Variants in SPIN1 observed in about 807,000 individuals in gnomAD.
The protein encoded by SPIN1 is spindlin-1.
Under a neutral mutation model 26.0 loss-of-function variants are expected in SPIN1, and 3 were observed. The observed-to-expected ratio is 0.12, with a 90% confidence interval of 0.05 to 0.30. The LOEUF is 0.30. Among genes scored for constraint, SPIN1 ranks in the 10% least tolerant of loss-of-function variants. SPIN1 has a pLI of 1.00. For missense variants in SPIN1, 126 were observed against 333.4 expected (o/e 0.38, Z 4.84); for synonymous variants, 101 against 116.5 (o/e 0.87, Z 0.86).
chr9:88,434,131 G>T (rs1034095047), intron 2 of SPIN1, among the ~76,000 whole-genome samples: 22 of 151,646 alleles, frequency 1.5e-4, no homozygotes, highest in Non-Finnish European at 2.2e-4. Context: ...TCAGACATTG[G>T]TCTTTATCAT....
intron 3 of SPIN1, among the ~76,000 whole-genome samples, chr9:88,458,851 A>C (rs1828524582): frequency 6.6e-6 from 1 of 152,156 alleles, no homozygotes; most frequent in South Asian, 2.1e-4. Context: ...TCCTCCTCCG[A>C]GGAGGCCAGT....
At chr9:88,445,739 A>G (rs1444618943) in intron 2 of SPIN1, among the ~76,000 whole-genome samples, 1 of 150,962 alleles carries the variant, frequency 6.6e-6, no homozygotes, top group Admixed American at 6.6e-5. Context: ...ATGTTTCACC[A>G]TGTTGGCCAG....
intron 3 of SPIN1, among the ~76,000 whole-genome samples, chr9:88,456,060 C>T (rs951743561): frequency 1.5e-4 from 23 of 152,168 alleles, no homozygotes; most frequent in Admixed American, 3.9e-4. Flanking sequence ...TTTAGTTTCC[C>T]GTGTTAGCAA....
Position 88,470,196 on chromosome 9 carries a change from T to A in SPIN1, c.589+1591T>A, listed in dbSNP as rs543489754. On this transcript the variant is annotated intron_variant, in intron 5 of 5. Transcript: ENST00000375859. ...ATTCCATTGTATGGATATACTACAT[T>A]TTGATTAGCCATTCATCCAGTAAAG... 8.5e-5 allele frequency among the ~76,000 whole-genome samples: 13 copies of A among 152,364 alleles called. No individual in the cohort carries two copies. In the East Asian group the frequency reaches 2.5e-3, roughly 29 times the overall value.
At chr9:88,412,690 A>ATTT (rs965824232) in intron 1 of SPIN1, among the ~76,000 whole-genome samples, 1 of 146,542 alleles carries the variant, frequency 6.8e-6, no homozygotes, top group African/African-American at 2.5e-5. Flanking sequence ...TTTGTCAGTA[A>ATTT]TTTTTTTTTT....
intron 2 of SPIN1, among the ~76,000 whole-genome samples, chr9:88,436,067 A>G (rs1375653032): frequency 6.6e-6 from 1 of 151,966 alleles, no homozygotes; most frequent in Non-Finnish European, 1.5e-5. Flanking sequence ...CAATATTGAC[A>G]ATATTACTCT....
intron 4 of SPIN1, among the ~76,000 whole-genome samples, chr9:88,466,912 T>C (rs1828680779): frequency 6.6e-6 from 1 of 151,846 alleles, no homozygotes; most frequent in African/African-American, 2.4e-5. Context: ...ATTTTTTGTA[T>C]TTTTAGTAGA....
rs1828307014 is a variant in SPIN1 at position 88,448,947 on chromosome 9, C to G, written c.59C>G (p.Ala20Gly). The G allele has an allele frequency of 6.2e-7, 1 of 1,612,858 alleles. No individual in the cohort carries two copies. Among genetic ancestry groups the G allele is most frequent in the South Asian group, 1.1e-5 (1 of 91,032 alleles). Reference protein sequence around the residue: ...GQRSRADAGHAGVSANMMKKR... With the variant: ...GQRSRADAGHGGVSANMMKKR... ...ATACTCATCTCTCTTACAGGCCATGCTGGAGTATCTGCCAACATGATGAAG... is the reference window on the plus strand; with the variant it reads ...ATACTCATCTCTCTTACAGGCCATGGTGGAGTATCTGCCAACATGATGAAG... The change falls in exon 3 of 6, where the codon GCT becomes GGT. Residue 20 changes from alanine (A) to glycine (G), a missense_variant. Coordinates refer to ENST00000375859, the MANE Select transcript of SPIN1 (RefSeq NM_006717.3).
chr9:88,456,332 G>C (rs1346949451), intron 3 of SPIN1, among the ~76,000 whole-genome samples: 1 of 152,030 alleles, frequency 6.6e-6, no homozygotes, highest in Non-Finnish European at 1.5e-5. Context: ...AGAACACTAA[G>C]AAATTTCTAG....
chr9:88,388,938 A>G (rs1418500214), intron 1 of SPIN1, among the ~76,000 whole-genome samples: 1 of 121,958 alleles, frequency 8.2e-6, no homozygotes, highest in Non-Finnish European at 1.7e-5. Context: ...GGGCGCGGGG[A>G]GGGGGCGCTG....
intron 1 of SPIN1, among the ~76,000 whole-genome samples, chr9:88,404,809 G>A (rs930695585): frequency 3.3e-5 from 5 of 151,702 alleles, no homozygotes; most frequent in African/African-American, 7.3e-5. Context: ...CCAGCTACTC[G>A]GGAGGCTGAG....
chr9:88,462,539 C>A lies in SPIN1; in HGVS notation c.145C>A (p.Pro49Thr). ...GGGTCCGAGCAAACCTGTTTCCCAG[C>A]CCCGGCGGAACATCGTAGGCTGCAG... ...SVGPSKPVSQ[P>T]RRNIVGCRIQ... Residue 49 changes from proline (P) to threonine (T), a missense_variant, in exon 4 of 6, where the codon CCC becomes ACC. Pro to Thr is a conservative substitution (Grantham distance 38). Coordinates refer to ENST00000375859, the MANE Select transcript of SPIN1 (RefSeq NM_006717.3). The A allele has an allele frequency of 6.2e-7, 1 of 1,614,078 alleles. No homozygotes were observed. The highest frequency in any genetic ancestry group is 8.5e-7 in the Non-Finnish European group (1 of 1,179,984).
At chr9:88,406,030 T>TAC (rs1827301015) in intron 1 of SPIN1, among the ~76,000 whole-genome samples, 2 of 146,996 alleles carry the variant, frequency 1.4e-5, no homozygotes, top group African/African-American at 5.4e-5. Context: ...TGTGTGTGTG[T>TAC]GTGTGTGTGT....
At chr9:88,397,118 G>T (rs1356373270) in intron 1 of SPIN1, among the ~76,000 whole-genome samples, 2 of 151,948 alleles carry the variant, frequency 1.3e-5, no homozygotes, top group East Asian at 3.9e-4. Flanking sequence ...CTACAGTTAG[G>T]CTACACTAAA....
rs757565862 is a variant in SPIN1 at position 88,405,536 on chromosome 9, C to CTT, written c.-159+17017_-159+17018dup. ...GCCACAGTGCCTGGCCTGTACTATCCTTTTTTTTTTTTTTTTTTTTCCCTG... is the reference window on the plus strand; with the variant it reads ...GCCACAGTGCCTGGCCTGTACTATCCTTTTTTTTTTTTTTTTTTTTTTCCCTG... On this transcript the variant is annotated intron_variant, in intron 1 of 5. Coordinates refer to ENST00000375859, the MANE Select transcript of SPIN1 (RefSeq NM_006717.3). 1.3e-3 allele frequency among the ~76,000 whole-genome samples: 147 copies of CTT among 110,724 alleles called. 3 individuals are homozygous for CTT. The Middle Eastern group carries it at 0.019, about 15-fold the overall frequency. The allele number at this position is 110,724 out of a possible 152,430, so 72.6% of individuals were successfully genotyped here.
chr9:88,430,418 A>G (rs1392480352), intron 2 of SPIN1, among the ~76,000 whole-genome samples: 1 of 152,190 alleles, frequency 6.6e-6, no homozygotes, highest in African/African-American at 2.4e-5. Context: ...CTTCTACTGC[A>G]TTCTATTCAT....
intron 1 of SPIN1, among the ~76,000 whole-genome samples, chr9:88,407,757 C>G (rs1388393548): frequency 6.9e-6 from 1 of 145,592 alleles, no homozygotes; most frequent in Non-Finnish European, 1.5e-5. Flanking sequence ...TGACTGGAAT[C>G]TCTCTCTCTT....
chr9:88,464,291 T>C (rs1330445648), intron 4 of SPIN1, among the ~76,000 whole-genome samples: 1 of 152,246 alleles, frequency 6.6e-6, no homozygotes, highest in Non-Finnish European at 1.5e-5. Context: ...TTGAAAGTAA[T>C]GGCCAAAACA....
chr9:88,416,079 G>A (rs1355812239), intron 1 of SPIN1, among the ~76,000 whole-genome samples: 1 of 152,000 alleles, frequency 6.6e-6, no homozygotes, highest in Non-Finnish European at 1.5e-5. Context: ...ATAAATTCTT[G>A]TAGTTACCTA....
Sources: gnomAD v4.1 joint callset for allele counts (sites outside exome capture counted in the v4.1 genomes callset) on GRCh38, gnomAD v4.1.1 for gene constraint, MANE v1.5 for transcripts, NCBI Gene and HGNC (gene_info 2026-07-23, HGNC 2026-07-21) for gene names.